The following HCN1 variants were observed in gnomAD, a reference collection of about 807,000 sequenced individuals.
The protein encoded by HCN1 is potassium/sodium hyperpolarization-activated cyclic nucleotide-gated channel 1.
HCN1 carries 13 observed loss-of-function variants against 78.9 expected under a neutral mutation model. The observed-to-expected ratio is 0.16, with a 90% CI of 0.11 to 0.26. The LOEUF is 0.26. Among genes scored for constraint, HCN1 ranks in the 10% least tolerant of loss-of-function variants. The probability of loss-of-function intolerance (pLI) is 1.00; values close to 1 mark genes in which losing one functional copy is unlikely to be tolerated. For missense variants in HCN1, 810 were observed against 1,154.3 expected (o/e 0.70, Z 4.32); for synonymous variants, 552 against 455.5 (o/e 1.21, Z -2.70).
rs1744596349 is a variant in HCN1, at chr5:45,255,731, G to C, written c.*6190C>G. Reference sequence around the variant, plus strand: ...CTTTTTGAATCTTTCAAATTTCTTTGGGTTATGTTCTTTCTTCCTTCAAAA... The same window carrying C: ...CTTTTTGAATCTTTCAAATTTCTTTCGGTTATGTTCTTTCTTCCTTCAAAA... On this transcript the variant is annotated 3_prime_UTR_variant, in exon 8 of 8. Coordinates refer to ENST00000303230, the MANE Select transcript of HCN1 (RefSeq NM_021072.4). 6.6e-6 allele frequency: 1 copy of C among 152,074 alleles called. No homozygotes were observed. Among genetic ancestry groups the C allele is most frequent in the Admixed American group, 6.5e-5 (1 of 15,274 alleles). 9.4% of individuals were successfully genotyped at this position (152,074 alleles called of 1,614,324 possible).
chr5:45,475,646 C>T (rs765298209), intron 2 of HCN1, among the ~76,000 whole-genome samples: 4 of 152,140 alleles, frequency 2.6e-5, no homozygotes, highest in Non-Finnish European at 5.9e-5. Context: ...TTTCACCCAG[C>T]ATTTAAACTC....
intron 4 of HCN1, among the ~76,000 whole-genome samples, chr5:45,376,549 ATCT>A (rs1418703328): frequency 6.6e-6 from 1 of 151,126 alleles, no homozygotes; most frequent in African/African-American, 2.4e-5. Flanking sequence ...AAACAAAACA[ATCT>A]TCTAAAATTT....
At chr5:45,346,611 C>T (rs964521696) in intron 5 of HCN1, among the ~76,000 whole-genome samples, 1 of 152,136 alleles carries the variant, frequency 6.6e-6, no homozygotes, top group African/African-American at 2.4e-5. Context: ...CTTTCCTAGT[C>T]AAAGAAAGGG....
At position 45,695,751 on chromosome 5, in the gene HCN1, C is replaced by G; in HGVS notation, c.343G>C (p.Gly115Arg). Residue 115 changes from glycine (G) to arginine (R), a missense_variant, in exon 1 of 8, where the codon GGG becomes CGG. Around this residue, in one of 6 missense-constraint regions of HCN1, gnomAD observed 104 missense variants for 402.8 expected, o/e 0.26. Coordinates refer to ENST00000303230, the MANE Select transcript of HCN1 (RefSeq NM_021072.4). The part of the protein sequence containing the change: ...GVNKFSLRMF[G>R]SQKAVEKEQE... ...TCCTTTTCCACCGCCTTCTGGCTCC[C>G]AAACATGCGGAGGGAGAATTTGTTG... 1 of 1,612,514 alleles carries G rather than the reference C, an allele frequency of 6.2e-7. No individual in the cohort carries two copies. Among genetic ancestry groups the G allele is most frequent in the Non-Finnish European group, 8.5e-7 (1 of 1,179,706 alleles).
chr5:45,452,120 T>G (rs1284135465), intron 3 of HCN1, among the ~76,000 whole-genome samples: 1 of 151,996 alleles, frequency 6.6e-6, no homozygotes, highest in African/African-American at 2.4e-5. Context: ...AATTCCAAAC[T>G]TTCCCTACAC....
intron 2 of HCN1, among the ~76,000 whole-genome samples, chr5:45,520,964 T>C (rs778368556): frequency 2.5e-4 from 38 of 152,000 alleles, no homozygotes; most frequent in Admixed American, 7.2e-4. Flanking sequence ...GCACGTCATA[T>C]GCAAACCAGC....
chr5:45,522,789 GA>G (rs956241423), intron 2 of HCN1, among the ~76,000 whole-genome samples: 2 of 151,692 alleles, frequency 1.3e-5, no homozygotes, highest in Non-Finnish European at 2.9e-5. Flanking sequence ...CTAAATAGTT[GA>G]AACACGCTCA....
chr5:45,340,332 A>G (rs1746550671), intron 5 of HCN1, among the ~76,000 whole-genome samples: 1 of 152,172 alleles, frequency 6.6e-6, no homozygotes, highest in African/African-American at 2.4e-5. Flanking sequence ...AAGGGTACAC[A>G]TTACTAGGGT....
intron 2 of HCN1, among the ~76,000 whole-genome samples, chr5:45,484,757 A>C (rs2111683835): frequency 6.6e-6 from 1 of 152,322 alleles, no homozygotes; most frequent in South Asian, 2.1e-4. Context: ...TAATTGACAC[A>C]GTGCTTATAC....
chr5:45,548,249 T>A (rs1743272713), intron 2 of HCN1, among the ~76,000 whole-genome samples: 1 of 151,944 alleles, frequency 6.6e-6, no homozygotes, highest in African/African-American at 2.4e-5. Context: ...TACTTTACTT[T>A]TTTTTCACCA....
intron 5 of HCN1, 81 bp from the exon 6 acceptor site, chr5:45,303,920 A>G (rs1391167692): frequency 9.1e-6 from 11 of 1,208,092 alleles, no homozygotes; most frequent in Admixed American, 6.8e-5. Flanking sequence ...TTTAAAATAT[A>G]TACAGCATAA....
At chr5:45,475,671 T>C (rs1388010442) in intron 2 of HCN1, among the ~76,000 whole-genome samples, 1 of 152,274 alleles carries the variant, frequency 6.6e-6, no homozygotes, top group Non-Finnish European at 1.5e-5. Flanking sequence ...ATCACTGTCA[T>C]GTTTTCTGCT....
chr5:45,319,372 A>G lies in HCN1; in HGVS notation c.1378-15533T>C, dbSNP rs1334525759. Among the ~76,000 whole-genome samples the G allele has an allele frequency of 3.9e-5, 6 of 151,962 alleles. No individual in the cohort carries two copies. The South Asian group carries it at 1.2e-3, about 31-fold the overall frequency. ...CAAAATTTGATTTTATCATTTAGCCATTGGTGGGTAAGTCGACATATCTGA... is the reference window on the plus strand; with the variant it reads ...CAAAATTTGATTTTATCATTTAGCCGTTGGTGGGTAAGTCGACATATCTGA... On this transcript the variant is annotated intron_variant, in intron 5 of 7. Transcript: ENST00000303230.
intron 4 of HCN1, among the ~76,000 whole-genome samples, chr5:45,357,427 A>G (rs767528342): frequency 7.2e-5 from 11 of 151,936 alleles, no homozygotes; most frequent in Non-Finnish European, 1.5e-4. Flanking sequence ...TGCATTCCCT[A>G]CATTTTCTCT....
At chr5:45,511,233 TTATAA>T (rs1278366081) in intron 2 of HCN1, among the ~76,000 whole-genome samples, 1 of 151,974 alleles carries the variant, frequency 6.6e-6, no homozygotes, top group African/African-American at 2.4e-5. Flanking sequence ...CATGAGTCCA[TTATAA>T]TATAAATAAA....
chr5:45,626,946 CAT>C (rs962932033), intron 2 of HCN1, among the ~76,000 whole-genome samples: 73 of 149,752 alleles, frequency 4.9e-4, no homozygotes, highest in East Asian at 9.8e-4. Flanking sequence ...ATATACACGC[CAT>C]ATATATATAT....
At chr5:45,318,778 T>A (rs939743791) in intron 5 of HCN1, among the ~76,000 whole-genome samples, 29 of 151,900 alleles carry the variant, frequency 1.9e-4, no homozygotes, top group African/African-American at 4.8e-4. Context: ...AGTCATTTTT[T>A]AAAAAATATA....
intron 2 of HCN1, among the ~76,000 whole-genome samples, chr5:45,634,898 A>G (rs892285457): frequency 6.6e-6 from 1 of 152,098 alleles, no homozygotes; most frequent in Non-Finnish European, 1.5e-5. Context: ...TCCAAAATGA[A>G]TATTTTCACA....
At chr5:45,602,197 G>A (rs1038058503) in intron 2 of HCN1, among the ~76,000 whole-genome samples, 1 of 151,954 alleles carries the variant, frequency 6.6e-6, no homozygotes, top group African/African-American at 2.4e-5. Flanking sequence ...TCTTCCTAGC[G>A]GCATGAGAAT....
Sources: gnomAD v4.1 joint callset for allele counts (sites outside exome capture counted in the v4.1 genomes callset) on GRCh38, gnomAD v4.1.1 for gene constraint, gnomAD v4.1.1 regional missense constraint, MANE v1.5 for transcripts, NCBI Gene and HGNC (gene_info 2026-07-23, HGNC 2026-07-21) for gene names.